Variants in PRKG1 observed in about 807,000 individuals in gnomAD.
PRKG1 encodes protein kinase cGMP-dependent 1, also known as cGMP-dependent protein kinase 1.
PRKG1 carries 35 observed loss-of-function variants against 88.1 expected under a neutral mutation model. That is an observed-to-expected ratio of 0.40 (90% CI 0.30 to 0.53). PRKG1 has a LOEUF of 0.53. Among genes scored for constraint, PRKG1 ranks in the 20% least tolerant of loss-of-function variants. The pLI, the probability that PRKG1 is intolerant of heterozygous loss-of-function variation, is 0.59. For synonymous variants in PRKG1, 303 were observed against 292.5 expected (o/e 1.04, Z -0.37); for missense variants, 540 against 839.8 (o/e 0.64, Z 4.41).
At chr10:52,285,015 C>T (rs1271982229) in intron 14 of PRKG1, among the ~76,000 whole-genome samples, 1 of 151,974 alleles carries the variant, frequency 6.6e-6, no homozygotes, top group African/African-American at 2.4e-5. Context: ...TCATTGCTTC[C>T]TTCCCTCCAA....
rs181758753 is a variant in PRKG1 at position 51,128,898 on chromosome 10, C to A, written c.312-24266C>A. 3.8e-3 allele frequency among the ~76,000 whole-genome samples: 577 copies of A among 152,164 alleles called. 2 individuals carry two copies. Among genetic ancestry groups the A allele is most frequent in the African/African-American group, 0.013 (558 of 41,536 alleles). ...ACGTTAATTCGATGAAAGTTTATGC[C>A]AGTACAATGAAAACAAATATATTTT... On this transcript the variant is annotated intron_variant, in intron 1 of 17. Transcript: ENST00000373980.
At chr10:51,334,840 G>T (rs761551021) in intron 2 of PRKG1, among the ~76,000 whole-genome samples, 1 of 152,114 alleles carries the variant, frequency 6.6e-6, no homozygotes, top group Admixed American at 6.6e-5. Flanking sequence ...AGCAGAGGCA[G>T]AGGGAATCAG....
At chr10:51,530,641 A>G (rs927864075) in intron 3 of PRKG1, among the ~76,000 whole-genome samples, 1 of 152,190 alleles carries the variant, frequency 6.6e-6, no homozygotes, top group African/African-American at 2.4e-5. Flanking sequence ...TTGAAGACAC[A>G]GAATCCTTTG....
chr10:51,650,389 C>T (rs181662294), intron 3 of PRKG1, among the ~76,000 whole-genome samples: 220 of 152,222 alleles, frequency 1.4e-3, no homozygotes, highest in African/African-American at 5.0e-3. Flanking sequence ...ATTATATCCC[C>T]TACATACTAA....
At chr10:51,449,782 G>A (rs293261) in intron 2 of PRKG1, among the ~76,000 whole-genome samples, 51,987 of 146,428 alleles carry the variant, frequency 0.36, 10,252 homozygotes, top group African/African-American at 0.52. Context: ...CAATATTTTT[G>A]CTTTTTATCT....
intron 2 of PRKG1, among the ~76,000 whole-genome samples, chr10:51,207,771 A>G (rs891213815): frequency 2.0e-5 from 3 of 152,314 alleles, no homozygotes; most frequent in African/African-American, 7.2e-5. Flanking sequence ...CTCTTAAAGA[A>G]AATGTGTAGG....
intron 2 of PRKG1, among the ~76,000 whole-genome samples, chr10:51,327,642 A>G (rs961428461): frequency 2.0e-5 from 3 of 152,212 alleles, no homozygotes; most frequent in African/African-American, 4.8e-5. Flanking sequence ...ATAACCTACT[A>G]CACACCTAAG....
At position 51,046,560 on chromosome 10, in the gene PRKG1, G is replaced by A. The variant is rs143858810; in HGVS notation, c.266+54916G>A. Among the ~76,000 whole-genome samples the A allele has an allele frequency of 1.2e-3, 183 of 152,276 alleles. 1 individual carries two copies. The highest frequency in any genetic ancestry group is 4.1e-3 in the African/African-American group (172 of 41,564). On this transcript the variant is annotated intron_variant, in intron 1 of 17. Coordinates refer to the PRKG1 transcript ENST00000401604. Reference sequence around the variant, plus strand: ...ACAACGATTTTTCCTTTGGCATTACGTCTCCGGTTTGCACAGGCTTGAGCT... The same window carrying A: ...ACAACGATTTTTCCTTTGGCATTACATCTCCGGTTTGCACAGGCTTGAGCT...
Position 51,093,014 on chromosome 10 carries a change from G to A in PRKG1, c.311+18113G>A, listed in dbSNP as rs1564597064. ...TTATAAAAACGCATGTGATGCAACAGGATTTTCAAAACACACTACGAATCG... is the reference window on the plus strand; with the variant it reads ...TTATAAAAACGCATGTGATGCAACAAGATTTTCAAAACACACTACGAATCG... On this transcript the variant is annotated intron_variant, in intron 1 of 17. Coordinates refer to ENST00000373980, the MANE Select transcript of PRKG1 (RefSeq NM_006258.4). 2.0e-5 allele frequency among the ~76,000 whole-genome samples: 3 copies of A among 152,242 alleles called. No homozygotes were observed. In the East Asian group the frequency reaches 5.8e-4, roughly 29 times the overall value.
intron 3 of PRKG1, among the ~76,000 whole-genome samples, chr10:51,620,062 T>C (rs1214017450): frequency 6.6e-6 from 1 of 152,174 alleles, no homozygotes; most frequent in East Asian, 1.9e-4. Flanking sequence ...ATGGTTGTTG[T>C]GTTTGGTAGA....
chr10:51,525,919 A>G (rs1041000747), intron 3 of PRKG1, among the ~76,000 whole-genome samples: 15 of 151,430 alleles, frequency 9.9e-5, no homozygotes, highest in Non-Finnish European at 1.6e-4. Context: ...TCCTCCTCCC[A>G]AGTTCAAGCG....
intron 3 of PRKG1, among the ~76,000 whole-genome samples, chr10:51,660,828 C>T (rs980662338): frequency 1.3e-5 from 2 of 152,058 alleles, no homozygotes; most frequent in African/African-American, 2.4e-5. Context: ...TATTGAAATG[C>T]TTTGTGACTT....
chr10:51,995,774 C>T (rs1844424041), intron 5 of PRKG1, among the ~76,000 whole-genome samples: 1 of 152,078 alleles, frequency 6.6e-6, no homozygotes, highest in African/African-American at 2.4e-5. Context: ...TGGAGGTAAA[C>T]ATGTATACCT....
chr10:51,688,685 T>C (rs1318465101), intron 3 of PRKG1, among the ~76,000 whole-genome samples: 1 of 152,086 alleles, frequency 6.6e-6, no homozygotes, highest in East Asian at 1.9e-4. Flanking sequence ...CCCACAGTAT[T>C]TAACAATGTT....
intron 3 of PRKG1, among the ~76,000 whole-genome samples, chr10:51,557,280 C>G (rs1837336956): frequency 6.6e-6 from 1 of 151,884 alleles, no homozygotes; most frequent in Admixed American, 6.6e-5. Flanking sequence ...GAAGGTGAGT[C>G]AGAAAGAATC....
At chr10:51,997,104 C>T (rs1844466132) in intron 5 of PRKG1, among the ~76,000 whole-genome samples, 1 of 151,852 alleles carries the variant, frequency 6.6e-6, no homozygotes, top group South Asian at 2.1e-4. Flanking sequence ...TGTTGATTAC[C>T]AGAGGCTGGG....
At chr10:52,111,036 CT>C (rs1847551668) in intron 7 of PRKG1, among the ~76,000 whole-genome samples, 1 of 152,174 alleles carries the variant, frequency 6.6e-6, no homozygotes, top group Non-Finnish European at 1.5e-5. Flanking sequence ...AATCTTATCT[CT>C]CTACAATGTA....
intron 10 of PRKG1, among the ~76,000 whole-genome samples, chr10:52,269,475 G>T (rs1320503016): frequency 6.6e-6 from 1 of 151,984 alleles, no homozygotes; most frequent in Non-Finnish European, 1.5e-5. Context: ...CCATTTATTT[G>T]CAGTATCTTC....
chr10:52,166,464 C>T (rs371874184), intron 9 of PRKG1, among the ~76,000 whole-genome samples: 11 of 127,608 alleles, frequency 8.6e-5, no homozygotes, highest in African/African-American at 2.1e-4. Context: ...GACGGAGTCT[C>T]GCTCTGTCGC....
Sources: gnomAD v4.1 joint callset for allele counts (sites outside exome capture counted in the v4.1 genomes callset) on GRCh38, gnomAD v4.1.1 for gene constraint, MANE v1.5 for transcripts, NCBI Gene and HGNC (gene_info 2026-07-23, HGNC 2026-07-21) for gene names.